The following PGM3 variants were observed in gnomAD, a reference collection of about 807,000 sequenced individuals.
PGM3 encodes phosphoglucomutase 3, also known as phosphoacetylglucosamine mutase.
Under a neutral mutation model 66.2 loss-of-function variants are expected in PGM3, and 40 were observed. That is an observed-to-expected ratio of 0.60 (90% CI 0.47 to 0.79). The LOEUF is 0.79. Ranked by LOEUF, PGM3 falls within the 30% of genes least tolerant of loss-of-function variation. PGM3 has a pLI of 0.00. For synonymous variants in PGM3, 191 were observed against 224.2 expected (o/e 0.85, Z 1.32); for missense variants, 537 against 643.4 (o/e 0.83, Z 1.79).
At chr6:83,190,611 A>C in intron 2 of PGM3, 198 bp downstream of exon 2, 1 of 586,918 alleles carries the variant, frequency 1.7e-6, no homozygotes, top group Non-Finnish European at 3.0e-6. Flanking sequence ...GTATCTTTTC[A>C]TTCTTTCCAC....
In PGM3 at chr6:83,166,236, G is replaced by T; in HGVS notation, c.*2998C>A. 1 of 512,070 alleles carries T rather than the reference G, an allele frequency of 2.0e-6. No individual in the cohort carries two copies. Among genetic ancestry groups the T allele is most frequent in the South Asian group, 3.8e-5 (1 of 26,490 alleles). 31.7% of individuals were successfully genotyped at this position (512,070 alleles called of 1,614,324 possible). A position where few individuals can be genotyped will look rare whatever the true frequency, so the allele number is the denominator to read the frequency against. On this transcript the variant is annotated 3_prime_UTR_variant, in exon 13 of 13. Transcript: ENST00000513973. ...TCAAATGCCGAACGACCATAAAATGGTCAACATTGAGTTCTTGGGCAGCTC... is the reference window on the plus strand; with the variant it reads ...TCAAATGCCGAACGACCATAAAATGTTCAACATTGAGTTCTTGGGCAGCTC...
chr6:83,153,634 TTAAA>T, the PGM3 span: 18 of 1,540,086 alleles, frequency 1.2e-5, no homozygotes, highest in Non-Finnish European at 1.4e-5. Flanking sequence ...CTATCATTAT[TTAAA>T]TAGTTTTTAA....
At chr6:83,156,187 G>A, downstream of PGM3, 4 of 1,109,476 alleles carry the variant, frequency 3.6e-6, no homozygotes, top group Admixed American at 2.7e-5. Context: ...ACTAAGTTGG[G>A]GTAAAATATA....
In PGM3 at chr6:83,167,982, C is replaced by A. The variant is rs1249610275; in HGVS notation, c.*1252G>T. 1 of 1,614,042 alleles carries A rather than the reference C, an allele frequency of 6.2e-7. No individual in the cohort carries two copies. Among genetic ancestry groups the A allele is most frequent in the Non-Finnish European group, 8.5e-7 (1 of 1,180,038 alleles). On this transcript the variant is annotated 3_prime_UTR_variant, in exon 13 of 13. Transcript: ENST00000513973. ...CCTGCCGTTCTTCAATGTGCTCAGT[C>A]AAGTCTTCAACAGCAAAGTCACAAG...
Position 83,168,277 on chromosome 6 carries a change from C to T in PGM3, c.*957G>A. ...TTTTTGTATGTAACAGAACACATTTCAGATTGTATTTAATTTAAATATTTG... is the reference window on the plus strand; with the variant it reads ...TTTTTGTATGTAACAGAACACATTTTAGATTGTATTTAATTTAAATATTTG... On this transcript the variant is annotated 3_prime_UTR_variant, in exon 13 of 13. Coordinates refer to ENST00000513973, the MANE Select transcript of PGM3 (RefSeq NM_015599.3). 6.9e-7 allele frequency: 1 copy of T among 1,440,250 alleles called. No homozygotes were observed. Among genetic ancestry groups the T allele is most frequent in the East Asian group, 2.5e-5 (1 of 40,160 alleles). The allele number at this position is 1,440,250 out of a possible 1,614,324, so 89.2% of individuals were successfully genotyped here. A position where few individuals can be genotyped will look rare whatever the true frequency, so the allele number is the denominator to read the frequency against.
At chr6:83,162,941 G>T (rs199686549), downstream of PGM3, 12 of 1,603,662 alleles carry the variant, frequency 7.5e-6, no homozygotes, top group Non-Finnish European at 1.0e-5. Flanking sequence ...TTTTGTGATT[G>T]TTTTGTTTTA....
At chr6:83,162,502 T>G (rs185556869), downstream of PGM3, among the ~76,000 whole-genome samples, 25 of 152,292 alleles carry the variant, frequency 1.6e-4, no homozygotes, top group Admixed American at 1.5e-3. Flanking sequence ...AAGAAACATT[T>G]GTTGAGTACT....
At chr6:83,159,263 CATAAT>C (rs1188331103), downstream of PGM3, among the ~76,000 whole-genome samples, 1 of 152,026 alleles carries the variant, frequency 6.6e-6, no homozygotes, top group African/African-American at 2.4e-5. Context: ...ATTTCTTGAA[CATAAT>C]ATAAGTTATG....
At chr6:83,171,793 C>G in intron 11 of PGM3, 144 bp downstream of exon 11, 1 of 644,412 alleles carries the variant, frequency 1.6e-6, no homozygotes, top group Non-Finnish European at 2.5e-6. Flanking sequence ...TGCGCTTGGC[C>G]CATAAGGCCT....
At chr6:83,169,569 C>T (rs1323019823) in intron 12 of PGM3, 2 of 510,310 alleles carry the variant, frequency 3.9e-6, no homozygotes, top group Non-Finnish European at 7.1e-6. Context: ...ATAAAAATAG[C>T]TATCATTCCA....
intron 2 of PGM3, 94 bp from the exon 3 acceptor site, chr6:83,188,892 A>T: frequency 2.1e-6 from 2 of 961,254 alleles, no homozygotes; most frequent in South Asian, 3.0e-5. Context: ...AACCAAAGAC[A>T]GTGATGGCTG....
At chr6:83,156,136 A>G in the PGM3 span, 2 of 1,570,978 alleles carry the variant, frequency 1.3e-6, no homozygotes, top group South Asian at 1.2e-5. Context: ...TTTTTTCTCT[A>G]ACTACAGGTT....
chr6:83,178,832 G>A (rs978857842), intron 7 of PGM3, 76 bp from the exon 8 acceptor site: 3 of 884,594 alleles, frequency 3.4e-6, no homozygotes, highest in Non-Finnish European at 5.7e-6. Context: ...GAGTTCTAAA[G>A]GCTACCAAAA....
rs1786352921 is a variant in PGM3, at chr6:83,168,340, GTT to G, written c.*892_*893del. ...AATGTCTGAATGTGGCCTGAATCAA[GTT>G]TAAATATTGTTGGCTCATACTGATT... On this transcript the variant is annotated 3_prime_UTR_variant, in exon 13 of 13. Transcript: ENST00000513973. 2.1e-6 allele frequency: 3 copies of G among 1,410,870 alleles called. No individual in the cohort carries two copies. In the South Asian group the frequency reaches 4.8e-5, roughly 22 times the overall value. The allele number at this position is 1,410,870 out of a possible 1,614,324, so 87.4% of individuals were successfully genotyped here.
intron 6 of PGM3, 146 bp from the exon 7 acceptor site, chr6:83,180,113 G>A (rs1054736933): frequency 2.7e-5 from 15 of 547,324 alleles, no homozygotes; most frequent in Admixed American, 1.2e-4. Context: ...TAGTTTATTA[G>A]TGGTTTTTAC....
rs758805908 is a variant in PGM3 at position 83,190,889 on chromosome 6, T to C, written c.124A>G (p.Met42Val). 32 of 1,614,032 alleles carry C rather than the reference T, an allele frequency of 2.0e-5. No homozygotes were observed. The South Asian group carries it at 3.4e-4, about 17-fold the overall frequency. Reference protein sequence around the residue: ...AEHLDHVMFRMGLLAVLRSKQ... With the variant: ...AEHLDHVMFRVGLLAVLRSKQ... ...GACCTCAGGACAGCTAATAATCCCATGCGAAACATGACATGATCAAGATGT... is the reference window on the plus strand; with the variant it reads ...GACCTCAGGACAGCTAATAATCCCACGCGAAACATGACATGATCAAGATGT... The change falls in exon 2 of 13, where the codon ATG becomes GTG. Residue 42 changes from methionine (M) to valine (V), a missense_variant. Coordinates refer to ENST00000513973, the MANE Select transcript of PGM3 (RefSeq NM_015599.3).
intron 2 of PGM3, 33 bp downstream of exon 2, chr6:83,190,776 T>C (rs773518650): frequency 1.3e-6 from 2 of 1,506,744 alleles, no homozygotes; most frequent in African/African-American, 2.7e-5. Context: ...TTGTAAATAA[T>C]GGTCTGCTTT....
Position 83,168,460 on chromosome 6 carries a change from A to ATT in PGM3, c.*772_*773dup. ...TAAACCTGCAAAATATACACTACCC[A>ATT]TTTTTTTTTTCCATTGGTTTCAGAC... On this transcript the variant is annotated 3_prime_UTR_variant, in exon 13 of 13. Coordinates refer to ENST00000513973, the MANE Select transcript of PGM3 (RefSeq NM_015599.3). 1.0e-6 allele frequency: 1 copy of ATT among 962,056 alleles called. No homozygotes were observed. The allele number at this position is 962,056 out of a possible 1,614,324, so 59.6% of individuals were successfully genotyped here.
intron 2 of PGM3, 60 bp from the exon 3 acceptor site, chr6:83,188,858 A>T: frequency 1.4e-6 from 2 of 1,406,458 alleles, no homozygotes; most frequent in Non-Finnish European, 2.0e-6. Flanking sequence ...AGTTGAGAAC[A>T]GAACTCAAAA....
Sources: gnomAD v4.1 joint callset for allele counts (sites outside exome capture counted in the v4.1 genomes callset) on GRCh38, gnomAD v4.1.1 for gene constraint, MANE v1.5 for transcripts, NCBI Gene and HGNC (gene_info 2026-07-23, HGNC 2026-07-21) for gene names.